SBF1: variants seen among roughly 807,000 people sequenced by gnomAD.
The protein encoded by SBF1 is myotubularin-related protein 5.
SBF1 carries 65 observed loss-of-function variants against 215.8 expected under a neutral mutation model. The observed-to-expected ratio is 0.30, with a 90% CI of 0.25 to 0.37. The LOEUF is 0.37. Among genes scored for constraint, SBF1 ranks in the 10% least tolerant of loss-of-function variants. The probability of loss-of-function intolerance (pLI) is 1.00; values close to 1 mark genes in which losing one functional copy is unlikely to be tolerated. For missense variants in SBF1, 2,634 were observed against 2,667.8 expected, an observed-to-expected ratio of 0.99 and a Z score of 0.28; for synonymous variants, 1,410 against 1,122.8, an observed-to-expected ratio of 1.26 and a Z score of -5.11.
In SBF1 at chr22:50,474,871, C is replaced by A. The variant is rs1372175667; in HGVS notation, c.-31G>T. ...GGGACGCGGGGCGGCCCGAGGGGCG[C>A]GGGCGGGCTCCGCGGCTCGGGGACT... On this transcript the variant is annotated 5_prime_UTR_variant, in exon 1 of 41. Coordinates refer to ENST00000380817, the MANE Select transcript of SBF1 (RefSeq NM_002972.4). 3.0e-6 allele frequency: 4 copies of A among 1,349,238 alleles called. No individual in the cohort carries two copies. The highest frequency in any genetic ancestry group is 2.8e-6 in the Non-Finnish European group (3 of 1,054,142). 83.6% of individuals were successfully genotyped at this position (1,349,238 alleles called of 1,614,324 possible). A position where few individuals can be genotyped will look rare whatever the true frequency, so the allele number is the denominator to read the frequency against.
chr22:50,452,946 C>A (rs949685141), intron 36 of SBF1, among the ~76,000 whole-genome samples: 1 of 150,548 alleles, frequency 6.6e-6, no homozygotes, highest in African/African-American at 2.5e-5. Context: ...TCACAGTAGA[C>A]AGAATACTAA....
rs777421463 is a variant in SBF1, at chr22:50,455,311, G to C, written c.4467C>G (p.Arg1489=). The C allele has an allele frequency of 2.5e-6, 4 of 1,613,476 alleles. No individual in the cohort carries two copies. In the East Asian group the frequency reaches 8.9e-5, roughly 36 times the overall value. The change falls in exon 33 of 41, where the codon CGC becomes CGG. Residue 1489 remains arginine (R), a synonymous_variant. Transcript: ENST00000380817. ...GGGTGTGAGCTCCACGGTGGCTGAA[G>C]CGATGGCCGAAGGACAGCCACTCCT... ...VEKEWLSFGH[R]FSHRGAHTLA...
chr22:50,456,968 A>G (rs2067278723), intron 29 of SBF1, 66 bp downstream of exon 29: 1 of 1,247,684 alleles, frequency 8.0e-7, no homozygotes. Flanking sequence ...GCAATAACTC[A>G]GTGCACACTA....
chr22:50,459,851 C>T (rs930399293), intron 26 of SBF1, 101 bp downstream of exon 26: 1 of 1,457,270 alleles, frequency 6.9e-7, no homozygotes. Flanking sequence ...TCCCCCTCCA[C>T]ATTCCTTACA....
At chr22:50,465,187 C>A (rs373669232) in intron 11 of SBF1, 28 bp downstream of exon 11, 3 of 1,613,030 alleles carry the variant, frequency 1.9e-6, no homozygotes, top group Non-Finnish European at 2.5e-6. Context: ...TTATCTCCTA[C>A]CCCACGCCCA....
At chr22:50,474,690 C>T in intron 1 of SBF1, 96 bp downstream of exon 1, 1 of 1,036,242 alleles carries the variant, frequency 9.7e-7, no homozygotes, top group Non-Finnish European at 1.3e-6. Flanking sequence ...CAGCCCTCGG[C>T]CCCCAGCCCC....
At chr22:50,457,310 G>C in intron 28 of SBF1, 199 bp from the exon 29 acceptor site, 1 of 460,062 alleles carries the variant, frequency 2.2e-6, no homozygotes, top group Non-Finnish European at 3.8e-6. Context: ...AGGGCAGGCC[G>C]CAGAGCACTC....
At chr22:50,461,483 G>T in intron 22 of SBF1, 40 bp downstream of exon 22, 1 of 1,556,048 alleles carries the variant, frequency 6.4e-7, no homozygotes. Context: ...AAAGACCTGG[G>T]GGAGAGGGGG....
chr22:50,454,955 G>A lies in SBF1; in HGVS notation c.4682-11C>T, dbSNP rs1432431639. 5 of 1,613,870 alleles carry A rather than the reference G, an allele frequency of 3.1e-6. No individual in the cohort carries two copies. Among genetic ancestry groups the A allele is most frequent in the Non-Finnish European group, 4.2e-6 (5 of 1,180,026 alleles). The stretch of plus-strand genomic sequence containing the variant: ...CCTCATACAGCAGCCCTGCACAGAA[G>A]CAGCACTGAGCCTGGGCCCCTCCTG... On this transcript the variant is annotated splice_polypyrimidine_tract_variant and intron_variant, in intron 34 of 40. Coordinates refer to ENST00000380817, the MANE Select transcript of SBF1 (RefSeq NM_002972.4).
At position 50,447,163 on chromosome 22, in the gene SBF1, C is replaced by A; in HGVS notation, c.5661G>T (p.Gln1887His). 1.2e-6 allele frequency: 2 copies of A among 1,612,906 alleles called. No homozygotes were observed. The highest frequency in any genetic ancestry group is 1.7e-6 in the Non-Finnish European group (2 of 1,179,858). ...AGGCTCAGGCGTCCGACAGGCAGCT[C>A]TGGATCCGGTCCACCCACTGCTGGG... The part of the protein sequence containing the change: ...PSAQQWVDRI[Q>H]SCLSDA The change falls in exon 41 of 41, where the codon CAG (glutamine) becomes CAT (histidine). Residue 1887 changes from glutamine to histidine, a missense_variant. By Grantham distance (24) the Gln-to-His change is conservative. Transcript: ENST00000380817.
Position 50,464,436 on chromosome 22 carries a change from T to C in SBF1, c.1642A>G (p.Ile548Val), listed in dbSNP as rs374844148. The C allele has an allele frequency of 1.4e-5, 22 of 1,613,210 alleles. No individual in the cohort carries two copies. Among genetic ancestry groups the C allele is most frequent in the Non-Finnish European group, 1.8e-5 (21 of 1,179,552 alleles). Residue 548 changes from isoleucine (I) to valine (V), a missense_variant, in exon 15 of 41, where the codon ATA becomes GTA. Transcript: ENST00000380817. ...TVPSGPPMTA[I>V]LERCSGLHVN... The stretch of plus-strand genomic sequence containing the variant: ...TGCAGCCCACTGCACCGCTCCAGTA[T>C]GGCAGCTGCGGGGACAGAATACACA...
At chr22:50,452,849 G>C (rs1418523573) in intron 36 of SBF1, among the ~76,000 whole-genome samples, 1 of 151,720 alleles carries the variant, frequency 6.6e-6, no homozygotes, top group Non-Finnish European at 1.5e-5. Context: ...AGGCTCTTCT[G>C]GTGTCAACAG....
Position 50,460,328 on chromosome 22 carries a change from G to C in SBF1, c.3227C>G (p.Pro1076Arg), listed in dbSNP as rs756747334. Reference protein sequence around the residue: ...QHVTRKKYNPPSWEHRGQPPP... With the variant: ...QHVTRKKYNPRSWEHRGQPPP... ...CGGCTGGCCCCGGTGCTCCCAGCTG[G>C]GGGGGTTGTACTTCTTGCGAGTGAC... Residue 1076 changes from proline to arginine, a missense_variant, in exon 25 of 41, where the codon CCC (proline) becomes CGC (arginine). Pro to Arg is a moderately radical substitution (Grantham distance 103). Coordinates refer to ENST00000380817, the MANE Select transcript of SBF1 (RefSeq NM_002972.4). The C allele has an allele frequency of 9.9e-6, 16 of 1,613,388 alleles. No homozygotes were observed. The highest frequency in any genetic ancestry group is 1.3e-5 in the Non-Finnish European group (15 of 1,179,504).
Position 50,465,230 on chromosome 22 carries a change from G to A in SBF1, c.1188C>T (p.Val396=), listed in dbSNP as rs548628656. Residue 396 remains valine (V), a synonymous_variant, in exon 11 of 41, where the codon GTC becomes GTT. Coordinates refer to ENST00000380817, the MANE Select transcript of SBF1 (RefSeq NM_002972.4). ...LHVVRIHPEP[V]IRFHKAAFLG... ...GGCACCCCACCTTATGGAAGCGGATGACAGGCTCCGGGTGGATGCGCACGA... is the reference window on the plus strand; with the variant it reads ...GGCACCCCACCTTATGGAAGCGGATAACAGGCTCCGGGTGGATGCGCACGA... 9.9e-6 allele frequency: 16 copies of A among 1,612,564 alleles called. No individual in the cohort carries two copies. In the Admixed American group the frequency reaches 2.3e-4, roughly 24 times the overall value.
In SBF1 at chr22:50,447,313, A is replaced by C. The variant is rs761946513; in HGVS notation, c.5583+9T>G. On this transcript the variant is annotated intron_variant, in intron 40 of 40. Coordinates refer to ENST00000380817, the MANE Select transcript of SBF1 (RefSeq NM_002972.4). Reference sequence around the variant, plus strand: ...CCCTCCCCTCTCCCAAGCCCCGGCCAAGGCTCACGTCAAAGAAGGCCTTCT... The same window carrying C: ...CCCTCCCCTCTCCCAAGCCCCGGCCCAGGCTCACGTCAAAGAAGGCCTTCT... The C allele has an allele frequency of 2.5e-6, 4 of 1,613,576 alleles. No homozygotes were observed. The East Asian group carries it at 8.9e-5, about 36-fold the overall frequency.
chr22:50,467,189 A>G, intron 5 of SBF1, 149 bp downstream of exon 5: 1 of 658,044 alleles, frequency 1.5e-6, no homozygotes, highest in East Asian at 2.7e-5. Context: ...GCAGGCCAGG[A>G]CTGTTGGGGG....
chr22:50,467,749 G>C, intron 3 of SBF1, 37 bp downstream of exon 3: 1 of 1,612,572 alleles, frequency 6.2e-7, no homozygotes, highest in Non-Finnish European at 8.5e-7. Context: ...CAAGGATGCA[G>C]CTTCATTCAT....
rs376785410 is a variant in SBF1 at position 50,454,725 on chromosome 22, G to A, written c.4830C>T (p.Ser1610=). The change falls in exon 36 of 41, where the codon AGC becomes AGT. Residue 1610 remains serine, a synonymous_variant. Transcript: ENST00000380817. The part of the protein sequence containing the change: ...PEDAEVLRPY[S]NVSNLKVWDF... Reference sequence around the variant, plus strand: ...CCCACACCTTCAGGTTGGACACGTTGCTGTAGGGCCGCAGGACCTGAGGGT... The same window carrying A: ...CCCACACCTTCAGGTTGGACACGTTACTGTAGGGCCGCAGGACCTGAGGGT... 81 of 1,571,264 alleles carry A rather than the reference G, an allele frequency of 5.2e-5. 1 individual carries two copies. Among genetic ancestry groups the A allele is most frequent in the East Asian group, 4.3e-4 (19 of 44,548 alleles).
Position 50,456,484 on chromosome 22 carries a change from C to G in SBF1, c.4086+8G>C. ...ACCCTCACCCCCCACCCCCCGCACCCCAGTCACCTTGAGCTGGGCTTTGTC... is the reference window on the plus strand; with the variant it reads ...ACCCTCACCCCCCACCCCCCGCACCGCAGTCACCTTGAGCTGGGCTTTGTC... On this transcript the variant is annotated splice_region_variant and intron_variant, in intron 30 of 40. Coordinates refer to ENST00000380817, the MANE Select transcript of SBF1 (RefSeq NM_002972.4). 1 of 1,532,014 alleles carries G rather than the reference C, an allele frequency of 6.5e-7. No individual in the cohort carries two copies. Among genetic ancestry groups the G allele is most frequent in the Non-Finnish European group, 8.8e-7 (1 of 1,138,234 alleles). 94.9% of individuals were successfully genotyped at this position (1,532,014 alleles called of 1,614,324 possible).
Sources: allele counts gnomAD v4.1 joint callset (sites outside exome capture counted in the v4.1 genomes callset), GRCh38; gene constraint gnomAD v4.1.1; transcripts MANE v1.5; gene names NCBI Gene and HGNC (gene_info 2026-07-23, HGNC 2026-07-21).